The following LGALS4 variants were observed in gnomAD, a reference collection of about 807,000 sequenced individuals.
LGALS4 encodes the protein galectin-4.
Under a neutral mutation model 39.6 loss-of-function variants are expected in LGALS4, and 37 were observed. The ratio of observed to expected loss-of-function variants is 0.93; its 90% confidence interval spans 0.72 to 1.23. LGALS4 has a LOEUF of 1.23. LGALS4 is among the 50% of genes most tolerant of loss of function. The pLI is 0.00. For missense variants in LGALS4, 397 were observed against 433.2 expected (o/e 0.92, Z 0.74); for synonymous variants, 160 against 165.5 (o/e 0.97, Z 0.25).
chr19:38,809,326 T>C (rs1437792354), intron 2 of LGALS4, among the ~76,000 whole-genome samples: 6 of 147,636 alleles, frequency 4.1e-5, no homozygotes, highest in Admixed American at 6.7e-5. Flanking sequence ...ATTACAGGCG[T>C]GCACCACCAC....
intron 2 of LGALS4, among the ~76,000 whole-genome samples, chr19:38,810,757 G>A (rs113991664): frequency 0.065 from 9,856 of 151,490 alleles, 992 homozygotes; most frequent in African/African-American, 0.22. Context: ...GATTACAGGC[G>A]TAAGCCACCA....
At chr19:38,806,253 A>G (rs1055885968) in intron 4 of LGALS4, among the ~76,000 whole-genome samples, 1 of 151,900 alleles carries the variant, frequency 6.6e-6, no homozygotes, top group Admixed American at 6.6e-5. Flanking sequence ...CTGTAGTCCC[A>G]GCTATTTGGG....
intron 2 of LGALS4, among the ~76,000 whole-genome samples, chr19:38,811,894 T>C (rs181750662): frequency 1.2e-3 from 182 of 151,852 alleles, no homozygotes; most frequent in African/African-American, 4.1e-3. Context: ...ATGCCTGTAA[T>C]CCCAGCTACT....
intron 2 of LGALS4, among the ~76,000 whole-genome samples, chr19:38,810,146 G>A (rs1380987620): frequency 2.0e-5 from 3 of 152,010 alleles, no homozygotes; most frequent in African/African-American, 2.4e-5. Flanking sequence ...TCCCAGGCAG[G>A]CCTTCTCTGG....
At chr19:38,809,826 C>A (rs555608956) in intron 2 of LGALS4, among the ~76,000 whole-genome samples, 1 of 151,928 alleles carries the variant, frequency 6.6e-6, no homozygotes, top group Non-Finnish European at 1.5e-5. Flanking sequence ...CCACCCTCTT[C>A]CCAACTTCCA....
At chr19:38,812,814 C>T (rs758760679) in intron 1 of LGALS4, 28 bp downstream of exon 1, 21 of 1,608,264 alleles carry the variant, frequency 1.3e-5, no homozygotes, top group Middle Eastern at 1.7e-4. Context: ...GAGCTGCGGG[C>T]GGAGTGGGGC....
At chr19:38,806,400 A>C in intron 4 of LGALS4, 61 bp downstream of exon 4, 2 of 1,541,404 alleles carry the variant, frequency 1.3e-6, no homozygotes, top group South Asian at 1.2e-5. Flanking sequence ...AAAAGAAAAA[A>C]AATGAATGTG....
rs1971367671 is a variant in LGALS4 at position 38,802,388 on chromosome 19, C to A, written c.587G>T (p.Gly196Val). The A allele has an allele frequency of 6.2e-7, 1 of 1,614,162 alleles. No individual in the cohort carries two copies. The highest frequency in any genetic ancestry group is 1.3e-5 in the African/African-American group (1 of 75,068). ...PTFNPPVPYF[G>V]RLQGGLTARR... The stretch of plus-strand genomic sequence containing the variant: ...AGCTGTGAGCCCTCCTTGCAGCCTC[C>A]CGAAATATGGCACAGGCTGTGGGAA... Residue 196 changes from glycine to valine, a missense_variant, in exon 8 of 10, where the codon GGG (glycine) becomes GTG (valine). By Grantham distance (109) the Gly-to-Val change is moderately radical. Coordinates refer to ENST00000307751, the MANE Select transcript of LGALS4 (RefSeq NM_006149.4).
intron 3 of LGALS4, among the ~76,000 whole-genome samples, chr19:38,808,347 G>T (rs572529106): frequency 6.6e-6 from 1 of 151,888 alleles, no homozygotes; most frequent in Non-Finnish European, 1.5e-5. Context: ...GAAGGGGCTG[G>T]GTGTGGTGGC....
chr19:38,811,631 G>T lies in LGALS4; in HGVS notation c.134+800C>A, dbSNP rs186534870. Among the ~76,000 whole-genome samples the T allele has an allele frequency of 3.9e-5, 6 of 152,028 alleles. No homozygotes were observed. The East Asian group carries it at 9.7e-4, about 25-fold the overall frequency. On this transcript the variant is annotated intron_variant, in intron 2 of 9. Coordinates refer to ENST00000307751, the MANE Select transcript of LGALS4 (RefSeq NM_006149.4). Reference sequence around the variant, plus strand: ...TATAATATTGTGCCACTGCACTCCAGCTTGGGCAACAGAGCAAGACCCTAT... The same window carrying T: ...TATAATATTGTGCCACTGCACTCCATCTTGGGCAACAGAGCAAGACCCTAT...
chr19:38,802,307 A>G lies in LGALS4; in HGVS notation c.659+9T>C. ...GGGGCTGGGGGTTCCCACCTAGTTT[A>G]CGTTATACCTCTTGCCTGTGGGAGG... On this transcript the variant is annotated intron_variant, in intron 8 of 9. Transcript: ENST00000307751. The G allele has an allele frequency of 2.5e-6, 4 of 1,613,390 alleles. No homozygotes were observed. Among genetic ancestry groups the G allele is most frequent in the Non-Finnish European group, 3.4e-6 (4 of 1,179,428 alleles).
In LGALS4 at chr19:38,801,734, T is replaced by C. The variant is rs1170209252; in HGVS notation, c.*30A>G. 6.2e-7 allele frequency: 1 copy of C among 1,610,400 alleles called. No homozygotes were observed. On this transcript the variant is annotated 3_prime_UTR_variant, in exon 10 of 10. Transcript: ENST00000307751. ...AAGGAGTCCTAGGGGATAATTCTGT[T>C]TTCCCATGAGTTATGGCCCCAGGAA... is the stretch of plus-strand genomic sequence containing the variant.
rs752125046 is a variant in LGALS4 at position 38,806,563 on chromosome 19, G to T, written c.372C>A (p.Tyr124Ter). 3.1e-6 allele frequency: 5 copies of T among 1,613,946 alleles called. No individual in the cohort carries two copies. Among genetic ancestry groups the T allele is most frequent in the Non-Finnish European group, 3.4e-6 (4 of 1,179,934 alleles). The change falls in exon 4 of 10, where the codon TAC becomes TAA. Residue 124 changes from tyrosine to a stop codon, truncating the protein, a stop_gained. Transcript: ENST00000307751. LOFTEE classifies it high-confidence loss of function. The part of the protein sequence containing the change: ...VVVNGNPFYE[Y>*]GHRLPLQMVT... ...CCATCTGTAGGGGAAGCCGGTGCCC[G>T]TACTCATAGAAGGGATTTCCATTTA...
At chr19:38,803,801 A>C (rs1481750289) in intron 5 of LGALS4, 21 bp from the exon 6 acceptor site, 2 of 1,613,716 alleles carry the variant, frequency 1.2e-6, no homozygotes, top group Non-Finnish European at 8.5e-7. Flanking sequence ...GACAGAAGGC[A>C]GGAAGGGTGA....
rs545035544 is a variant in LGALS4, at chr19:38,812,725, T to C, written c.45+117A>G. The C allele has an allele frequency of 4.1e-5, 49 of 1,189,324 alleles. No homozygotes were observed. In the South Asian group the frequency reaches 6.1e-4, roughly 15 times the overall value. 73.7% of individuals were successfully genotyped at this position (1,189,324 alleles called of 1,614,324 possible). ...AGTAAATCGAGGGTCGGGGTCAGCT[T>C]TGGGTAAATCAGACCACAGAGTCAG... On this transcript the variant is annotated intron_variant, in intron 1 of 9. Coordinates refer to ENST00000307751, the MANE Select transcript of LGALS4 (RefSeq NM_006149.4).
At chr19:38,811,889 T>G (rs1971497566) in intron 2 of LGALS4, among the ~76,000 whole-genome samples, 1 of 151,994 alleles carries the variant, frequency 6.6e-6, no homozygotes, top group Non-Finnish European at 1.5e-5. Context: ...GGCACATGCC[T>G]GTAATCCCAG....
intron 4 of LGALS4, 111 bp from the exon 5 acceptor site, chr19:38,804,006 A>C: frequency 8.1e-7 from 1 of 1,234,268 alleles, no homozygotes; most frequent in Non-Finnish European, 1.2e-6. Flanking sequence ...ACTATGCCAG[A>C]GAACTCTGGC....
chr19:38,811,199 C>T (rs1481149149), intron 2 of LGALS4, among the ~76,000 whole-genome samples: 1 of 152,126 alleles, frequency 6.6e-6, no homozygotes, highest in Non-Finnish European at 1.5e-5. Flanking sequence ...CCGCGCCCGG[C>T]CTGGACTTAT....
chr19:38,811,272 T>G (rs1343995130), intron 2 of LGALS4, among the ~76,000 whole-genome samples: 2 of 152,054 alleles, frequency 1.3e-5, no homozygotes, highest in Non-Finnish European at 2.9e-5. Context: ...TCCTGTTCAC[T>G]CCTCCATCCC....
Sources: gnomAD v4.1 joint callset for allele counts (sites outside exome capture counted in the v4.1 genomes callset) on GRCh38, gnomAD v4.1.1 for gene constraint, MANE v1.5 for transcripts, NCBI Gene and HGNC (gene_info 2026-07-23, HGNC 2026-07-21) for gene names.